MORC3: variants seen among roughly 807,000 people sequenced by gnomAD.
MORC3 encodes MORC family CW-type zinc finger 3.
MORC3 carries 31 observed loss-of-function variants against 109.1 expected under a neutral mutation model. That is an observed-to-expected ratio of 0.28 (90% CI 0.21 to 0.38). The LOEUF (loss-of-function observed/expected upper bound fraction) is 0.38, where lower values mean the gene tolerates loss of function less well. Among genes scored for constraint, MORC3 ranks in the 10% least tolerant of loss-of-function variants. The pLI is 1.00. For synonymous variants in MORC3, 395 were observed against 380.7 expected, an observed-to-expected ratio of 1.04 and a Z score of -0.44; for missense variants, 867 against 1,135.8, an observed-to-expected ratio of 0.76 and a Z score of 3.40.
At chr21:36,338,457 A>G (rs1251769779) in intron 4 of MORC3, among the ~76,000 whole-genome samples, 1 of 152,092 alleles carries the variant, frequency 6.6e-6, no homozygotes, top group Admixed American at 6.6e-5. Flanking sequence ...GGAGGCCAAG[A>G]CAGAAGGATT....
At chr21:36,327,335 T>C (rs914701250) in intron 1 of MORC3, among the ~76,000 whole-genome samples, 1 of 145,202 alleles carries the variant, frequency 6.9e-6, no homozygotes, top group East Asian at 1.9e-4. Flanking sequence ...TTTTTTGGCT[T>C]TTGGTAGAGA....
At chr21:36,361,298 C>G (rs553083050) in intron 12 of MORC3, among the ~76,000 whole-genome samples, 4 of 150,900 alleles carry the variant, frequency 2.7e-5, no homozygotes, top group South Asian at 4.2e-4. Context: ...AACCCCAGCA[C>G]TTTGGGAGAC....
rs761369449 is a variant in MORC3 at position 36,344,618 on chromosome 21, A to G, written c.796A>G (p.Ile266Val). The G allele has an allele frequency of 4.3e-6, 7 of 1,614,110 alleles. No homozygotes were observed. Among genetic ancestry groups the G allele is most frequent in the Non-Finnish European group, 5.9e-6 (7 of 1,179,968 alleles). ...ATTATATCTAAAGCCAAGAATGCAG[A>G]TCATCCTACGTGGACAGAAAGTGAA... is the stretch of plus-strand genomic sequence containing the variant. The part of the protein sequence containing the change: ...SILYLKPRMQ[I>V]ILRGQKVKTQ... The change falls in exon 7 of 17, where the codon ATC (isoleucine) becomes GTC (valine). Residue 266 changes from isoleucine (I) to valine (V), a missense_variant. By Grantham distance (29) the Ile-to-Val change is conservative (BLOSUM62 3). Around this residue, in one of 7 missense-constraint regions of MORC3, gnomAD observed 120 missense variants for 259.7 expected, o/e 0.46. Transcript: ENST00000400485.
chr21:36,369,945 G>C, intron 15 of MORC3, 69 bp downstream of exon 15: 1 of 1,541,844 alleles, frequency 6.5e-7, no homozygotes, highest in South Asian at 1.2e-5. Flanking sequence ...GCTGCCAGTT[G>C]GCTGGGCGCG....
At chr21:36,358,211 C>T (rs2146326067) in intron 10 of MORC3, among the ~76,000 whole-genome samples, 1 of 151,652 alleles carries the variant, frequency 6.6e-6, no homozygotes, top group South Asian at 2.1e-4. Context: ...ATGGTAAAAC[C>T]CTGTCTCTAC....
In MORC3 at chr21:36,320,317, AG is replaced by A; in HGVS notation, c.39+18del. The A allele has an allele frequency of 7.2e-7, 1 of 1,379,474 alleles. No individual in the cohort carries two copies. Among genetic ancestry groups the A allele is most frequent in the Non-Finnish European group, 9.6e-7 (1 of 1,041,520 alleles). 85.5% of individuals were successfully genotyped at this position (1,379,474 alleles called of 1,614,324 possible). On this transcript the variant is annotated intron_variant, in intron 1 of 16. Coordinates refer to ENST00000400485, the MANE Select transcript of MORC3 (RefSeq NM_015358.3). ...CGCCTCAGCGCGGTGAGCAGCCGCG[AG>A]GGGTGGAGCGGGCCGTGTCCCAGGA...
chr21:36,362,987 G>A (rs1279824871), intron 13 of MORC3, among the ~76,000 whole-genome samples: 1 of 152,104 alleles, frequency 6.6e-6, no homozygotes, highest in Non-Finnish European at 1.5e-5. Flanking sequence ...CGGGACAAAA[G>A]CCATAGTGTT....
At chr21:36,370,773 G>A (rs1442340852) in intron 15 of MORC3, among the ~76,000 whole-genome samples, 1 of 149,278 alleles carries the variant, frequency 6.7e-6, no homozygotes, top group Admixed American at 6.8e-5. Context: ...GAGTTCAAGC[G>A]ATTCTCCTGC....
chr21:36,352,398 T>TGG (rs33993234), intron 9 of MORC3, among the ~76,000 whole-genome samples: 110 of 140,258 alleles, frequency 7.8e-4, no homozygotes, highest in African/African-American at 2.4e-3. Context: ...AAAAAAGGGG[T>TGG]GGGGGGGGGC....
At chr21:36,358,032 C>T (rs1267267966) in intron 10 of MORC3, among the ~76,000 whole-genome samples, 4 of 151,862 alleles carry the variant, frequency 2.6e-5, no homozygotes, top group Non-Finnish European at 4.4e-5. Flanking sequence ...TGAGCCACCG[C>T]GCTCATCCTG....
At position 36,345,037 on chromosome 21, in the gene MORC3, C is replaced by T; in HGVS notation, c.1005+6C>T. ...AAGTTGGATGTCAGTTAAGGGTAAG[C>T]TTTATTTTTTATTTGAAAAGAAAAT... On this transcript the variant is annotated splice_donor_region_variant and intron_variant, in intron 8 of 16. Coordinates refer to ENST00000400485, the MANE Select transcript of MORC3 (RefSeq NM_015358.3). 6.3e-7 allele frequency: 1 copy of T among 1,579,788 alleles called. No individual in the cohort carries two copies. Among genetic ancestry groups the T allele is most frequent in the Non-Finnish European group, 8.5e-7 (1 of 1,170,178 alleles).
intron 14 of MORC3, among the ~76,000 whole-genome samples, chr21:36,367,653 A>G (rs1387971741): frequency 1.3e-5 from 2 of 152,192 alleles, no homozygotes; most frequent in African/African-American, 4.8e-5. Context: ...GGGAAATCAT[A>G]CCAGAAAAAC....
chr21:36,371,822 T>G (rs899855596), intron 15 of MORC3, among the ~76,000 whole-genome samples: 1 of 151,582 alleles, frequency 6.6e-6, no homozygotes, highest in Non-Finnish European at 1.5e-5. Flanking sequence ...TTTGTTTTTT[T>G]TTTTTTTTGA....
At chr21:36,357,403 C>T (rs945289339) in intron 10 of MORC3, among the ~76,000 whole-genome samples, 3 of 152,064 alleles carry the variant, frequency 2.0e-5, no homozygotes, top group Non-Finnish European at 2.9e-5. Flanking sequence ...GACTTCCCAT[C>T]GTACTTTTCA....
intron 15 of MORC3, among the ~76,000 whole-genome samples, chr21:36,370,639 A>ATATTTATTTT (rs2085851804): frequency 2.7e-5 from 1 of 37,568 alleles, no homozygotes; most frequent in Non-Finnish European, 5.2e-5. Flanking sequence ...ATATATATAT[A>ATATTTATTTT]TTTTTTTTTT....
chr21:36,361,835 C>T (rs1228119787), intron 12 of MORC3: 1 of 199,396 alleles, frequency 5.0e-6, no homozygotes, highest in Non-Finnish European at 1.0e-5. Context: ...TGCAGTGAGC[C>T]GAGATTACAT....
chr21:36,369,467 G>A lies in MORC3; in HGVS notation c.2099G>A (p.Arg700Lys), dbSNP rs1341580924. The change falls in exon 15 of 17, where the codon AGA becomes AAA. Residue 700 changes from arginine (R) to lysine (K), a missense_variant. Transcript: ENST00000400485. ...DDAGCQLQEL[R>K]NQLLLVTEEK... is the part of the protein sequence containing the mutation. ...GCAGGCTGCCAATTACAAGAACTGA[G>A]AAACCAGCTACTCCTTGTCACTGAG... The A allele has an allele frequency of 3.7e-6, 6 of 1,614,110 alleles. No homozygotes were observed. In the South Asian group the frequency reaches 4.4e-5, roughly 12 times the overall value.
intron 1 of MORC3, among the ~76,000 whole-genome samples, chr21:36,324,427 G>C (rs1346527999): frequency 6.6e-6 from 1 of 151,716 alleles, no homozygotes; most frequent in East Asian, 2.0e-4. Context: ...ACAAGCACCT[G>C]CCACGTTGCC....
chr21:36,338,164 T>G (rs1490420703), intron 4 of MORC3, among the ~76,000 whole-genome samples: 1 of 152,212 alleles, frequency 6.6e-6, no homozygotes. Flanking sequence ...CATTTTATGT[T>G]AAACTTCCCA....
Sources: gnomAD v4.1 joint callset for allele counts (sites outside exome capture counted in the v4.1 genomes callset) on GRCh38, gnomAD v4.1.1 for gene constraint, gnomAD v4.1.1 regional missense constraint, MANE v1.5 for transcripts, NCBI Gene and HGNC (gene_info 2026-07-23, HGNC 2026-07-21) for gene names.